Variants in FOXP1 observed in about 807,000 individuals in gnomAD.
The protein encoded by FOXP1 is forkhead box P1.
Under a neutral mutation model 98.2 loss-of-function variants are expected in FOXP1, and 15 were observed. That is an observed-to-expected ratio of 0.15 (90% CI 0.10 to 0.24). The LOEUF (loss-of-function observed/expected upper bound fraction) is 0.24. Ranked by LOEUF, FOXP1 falls within the 10% of genes least tolerant of loss-of-function variation. The probability of loss-of-function intolerance (pLI) is 1.00; values close to 1 mark genes in which losing one functional copy is unlikely to be tolerated. For synonymous variants in FOXP1, 371 were observed against 314.5 expected (o/e 1.18, Z -1.90); for missense variants, 633 against 848.5 (o/e 0.75, Z 3.15).
intron 6 of FOXP1, among the ~76,000 whole-genome samples, chr3:71,182,502 A>ATG (rs1234678062): frequency 0.024 from 3,206 of 133,674 alleles, 45 homozygotes; most frequent in African/African-American, 0.037. Context: ...AACTATATAT[A>ATG]TGTGTGTGTG....
chr3:71,300,878 TC>T (rs1402709282), intron 4 of FOXP1, among the ~76,000 whole-genome samples: 1 of 152,204 alleles, frequency 6.6e-6, no homozygotes, highest in Non-Finnish European at 1.5e-5. Flanking sequence ...TCCCTGCTCA[TC>T]CCTCTGCTGT....
At chr3:70,996,802 G>A (rs1354169128) in intron 13 of FOXP1, among the ~76,000 whole-genome samples, 1 of 152,098 alleles carries the variant, frequency 6.6e-6, no homozygotes, top group Non-Finnish European at 1.5e-5. Flanking sequence ...TTGCTTTTAC[G>A]ATGGGGCACA....
intron 6 of FOXP1, chr3:71,197,972 A>C: frequency 5.0e-6 from 8 of 1,614,082 alleles, no homozygotes; most frequent in Non-Finnish European, 6.8e-6. Context: ...GCTCCCCACA[A>C]GGGGACCTGC....
intron 5 of FOXP1, among the ~76,000 whole-genome samples, chr3:71,291,706 T>C (rs2072762781): frequency 1.4e-5 from 2 of 142,750 alleles, no homozygotes; most frequent in Non-Finnish European, 3.0e-5. Context: ...TGTATGCTTA[T>C]TCTGTATTTT....
At chr3:71,185,465 G>A (rs1279352629) in intron 6 of FOXP1, among the ~76,000 whole-genome samples, 1 of 152,162 alleles carries the variant, frequency 6.6e-6, no homozygotes, top group African/African-American at 2.4e-5. Flanking sequence ...ATTATCAATA[G>A]AGGTAAATTA....
intron 12 of FOXP1, among the ~76,000 whole-genome samples, chr3:71,012,937 T>C (rs949629372): frequency 1.3e-5 from 2 of 152,192 alleles, no homozygotes; most frequent in African/African-American, 4.8e-5. Flanking sequence ...TACATGTCTA[T>C]AATATCATGT....
rs1318417197 is a variant in FOXP1 at position 71,113,528 on chromosome 3, C to A, written c.181-891G>T. On this transcript the variant is annotated intron_variant, in intron 6 of 20. Transcript: ENST00000649528. Reference sequence around the variant, plus strand: ...AGGAGTTCGAGAACAGCCTGGCCAACATGGTGAAACCCTGTCTCTACTAAA... The same window carrying A: ...AGGAGTTCGAGAACAGCCTGGCCAAAATGGTGAAACCCTGTCTCTACTAAA... Among the ~76,000 whole-genome samples the A allele has an allele frequency of 2.0e-5, 3 of 152,038 alleles. No homozygotes were observed. The South Asian group carries it at 6.2e-4, about 31-fold the overall frequency.
chr3:71,581,172 C>G (rs1290172326), intron 2 of FOXP1: 3 of 984,560 alleles, frequency 3.0e-6, no homozygotes, highest in Non-Finnish European at 3.6e-6. Flanking sequence ...CAGACTAAAT[C>G]AATACACTTT....
intron 3 of FOXP1, among the ~76,000 whole-genome samples, chr3:71,380,461 A>C (rs1441015674): frequency 2.0e-5 from 3 of 152,186 alleles, no homozygotes; most frequent in African/African-American, 7.2e-5. Context: ...TTCCCAGAAA[A>C]TATTGCTTGG....
intron 3 of FOXP1, among the ~76,000 whole-genome samples, chr3:71,392,455 G>A (rs1022822079): frequency 1.3e-5 from 2 of 152,152 alleles, no homozygotes; most frequent in Non-Finnish European, 2.9e-5. Flanking sequence ...TTAAAAAAAA[G>A]GAAGTGGTAA....
chr3:71,108,578 C>G (rs1016893112), intron 7 of FOXP1, among the ~76,000 whole-genome samples: 1 of 152,150 alleles, frequency 6.6e-6, no homozygotes, highest in African/African-American at 2.4e-5. Context: ...CCAGCCTGGT[C>G]AACATGGTGA....
At chr3:71,262,847 G>T (rs2069289874) in intron 5 of FOXP1, among the ~76,000 whole-genome samples, 1 of 152,188 alleles carries the variant, frequency 6.6e-6, no homozygotes, top group Admixed American at 6.5e-5. Context: ...TCTCTGGGAG[G>T]TCCTCACTTA....
chr3:71,513,460 C>T (rs894210862), intron 2 of FOXP1, among the ~76,000 whole-genome samples: 2 of 152,200 alleles, frequency 1.3e-5, no homozygotes, highest in Non-Finnish European at 2.9e-5. Flanking sequence ...TTCCTGGTCA[C>T]AGCCACCATC....
At chr3:71,215,648 C>A (rs758493487) in intron 5 of FOXP1, among the ~76,000 whole-genome samples, 23 of 137,028 alleles carry the variant, frequency 1.7e-4, no homozygotes, top group Admixed American at 3.1e-4. Context: ...ACACTGAATT[C>A]TCAGTTCAAC....
chr3:71,448,703 T>G (rs1210869670), intron 3 of FOXP1, among the ~76,000 whole-genome samples: 2 of 152,232 alleles, frequency 1.3e-5, no homozygotes, highest in Non-Finnish European at 2.9e-5. Flanking sequence ...ATGGTGGTAG[T>G]GTCTACAACA....
intron 7 of FOXP1, among the ~76,000 whole-genome samples, chr3:71,102,227 G>A (rs555765465): frequency 6.6e-6 from 1 of 152,228 alleles, no homozygotes; most frequent in East Asian, 1.9e-4. Flanking sequence ...AGACAGTCTG[G>A]AAATAGCCGG....
chr3:71,091,678 T>C (rs534237441), intron 7 of FOXP1, among the ~76,000 whole-genome samples: 144 of 152,176 alleles, frequency 9.5e-4, no homozygotes, highest in Non-Finnish European at 1.7e-3. Context: ...AACCCCAAGC[T>C]TTTTCCTAAC....
rs181183585 is a variant in FOXP1, at chr3:71,430,991, C to T, written c.-168+62435G>A. On this transcript the variant is annotated intron_variant, in intron 3 of 20. Coordinates refer to ENST00000649528, the MANE Select transcript of FOXP1 (RefSeq NM_001349338.3). ...ATGAAACACTTTCCTAGACATTCTA[C>T]CCCACCACTTTGATTTTACTGCAAC... Among the ~76,000 whole-genome samples the T allele has an allele frequency of 2.4e-3, 358 of 152,250 alleles. 2 individuals carry two copies. The highest frequency in any genetic ancestry group is 4.4e-3 in the Non-Finnish European group (301 of 68,020).
At chr3:71,189,219 G>A (rs569597171) in intron 6 of FOXP1, among the ~76,000 whole-genome samples, 2 of 121,026 alleles carry the variant, frequency 1.7e-5, no homozygotes, top group Non-Finnish European at 3.3e-5. Context: ...TAAAAACAAA[G>A]TCATTATAAG....
Sources: allele counts gnomAD v4.1 joint callset (sites outside exome capture counted in the v4.1 genomes callset), GRCh38; gene constraint gnomAD v4.1.1; transcripts MANE v1.5; gene names NCBI Gene and HGNC (gene_info 2026-07-23, HGNC 2026-07-21).